CAB39L: variants seen among roughly 807,000 people sequenced by gnomAD.
CAB39L encodes the protein calcium-binding protein 39-like.
A neutral mutation model predicts 39.1 loss-of-function variants in CAB39L; 23 were observed. The ratio of observed to expected loss-of-function variants is 0.59; its 90% CI spans 0.42 to 0.83. CAB39L has a LOEUF of 0.83. CAB39L is among the 40% of genes least tolerant of loss of function. The pLI is 0.00. For missense variants in CAB39L, 366 were observed against 391.9 expected, an observed-to-expected ratio of 0.93 and a Z score of 0.56; for synonymous variants, 126 against 137.2, an observed-to-expected ratio of 0.92 and a Z score of 0.57.
intron 5 of CAB39L, among the ~76,000 whole-genome samples, chr13:49,361,928 C>T (rs1955649078): frequency 6.6e-6 from 1 of 152,090 alleles, no homozygotes; most frequent in Non-Finnish European, 1.5e-5. Context: ...TACTCTGTGC[C>T]AGGCACTTAT....
Position 49,433,382 on chromosome 13 carries a change from T to C in CAB39L, c.-96A>G. The C allele has an allele frequency of 2.2e-6, 1 of 455,072 alleles. No individual in the cohort carries two copies. The highest frequency in any genetic ancestry group is 4.4e-6 in the Non-Finnish European group (1 of 226,572). 28.2% of individuals were successfully genotyped at this position (455,072 alleles called of 1,614,324 possible). ...TCTTAGCTTTCACCAAAGTCACTGA[T>C]CACCACAGCTTCTGACAAAAAGAAA... On this transcript the variant is annotated 5_prime_UTR_variant, in exon 3 of 11. An upstream open reading frame in the 5' UTR loses its in-frame stop. Transcript: ENST00000409308.
chr13:49,373,370 CT>C (rs1280936029), intron 5 of CAB39L, among the ~76,000 whole-genome samples: 1 of 152,168 alleles, frequency 6.6e-6, no homozygotes, highest in East Asian at 1.9e-4. Flanking sequence ...CAAAAATTCA[CT>C]TTTTTTCTCT....
At chr13:49,360,244 G>A (rs1955597180) in intron 5 of CAB39L, among the ~76,000 whole-genome samples, 2 of 152,246 alleles carry the variant, frequency 1.3e-5, no homozygotes, top group South Asian at 4.1e-4. Context: ...TTAGTAAAAT[G>A]TAGGTTAGAA....
intron 7 of CAB39L, among the ~76,000 whole-genome samples, chr13:49,346,174 A>G (rs868217502): frequency 2.2e-5 from 3 of 137,260 alleles, no homozygotes; most frequent in African/African-American, 2.7e-5. Flanking sequence ...TCACGCCCAC[A>G]TTTCCACTCC....
chr13:49,442,818 A>C lies in CAB39L; in HGVS notation c.-246+1168T>G, dbSNP rs1009690056. On this transcript the variant is annotated intron_variant, in intron 1 of 10. Coordinates refer to ENST00000409308, the MANE Select transcript of CAB39L (RefSeq NM_001079670.3). Reference sequence around the variant, plus strand: ...AAAAAAAAAAAAAAAAAAAAAAAAAAACATCAATTATTTTGCTGTTTGTTT... The same window carrying C: ...AAAAAAAAAAAAAAAAAAAAAAAAACACATCAATTATTTTGCTGTTTGTTT... Among the ~76,000 whole-genome samples the C allele has an allele frequency of 3.3e-4, 46 of 139,520 alleles. 1 individual carries two copies. The highest frequency in any genetic ancestry group is 4.6e-4 in the African/African-American group (17 of 37,164). The allele number at this position is 139,520 out of a possible 152,430, so 91.5% of individuals were successfully genotyped here.
At chr13:49,439,283 A>G (rs73491219) in intron 1 of CAB39L, among the ~76,000 whole-genome samples, 1 of 151,966 alleles carries the variant, frequency 6.6e-6, no homozygotes, top group African/African-American at 2.4e-5. Flanking sequence ...GGTGAATTTT[A>G]TTTACTTTTT....
At position 49,309,175 on chromosome 13, in the gene CAB39L, A is replaced by AGTGC. The variant is rs1953918958; in HGVS notation, c.*1638_*1639insGCAC. On this transcript the variant is annotated 3_prime_UTR_variant, in exon 11 of 11. Transcript: ENST00000409308. ...AATAATCTGACGTCAGTGACTAAAGAGTACGGGTCATCAGGCTGCCGGCCG... is the reference window on the plus strand; with the variant it reads ...AATAATCTGACGTCAGTGACTAAAGAGTGCGTACGGGTCATCAGGCTGCCGGCCG... 6.6e-6 allele frequency: 1 copy of AGTGC among 152,238 alleles called. No individual in the cohort carries two copies. The allele number at this position is 152,238 out of a possible 1,614,324, so 9.4% of individuals were successfully genotyped here.
chr13:49,350,496 T>C (rs1471807579), intron 7 of CAB39L, among the ~76,000 whole-genome samples: 2 of 152,174 alleles, frequency 1.3e-5, no homozygotes, highest in African/African-American at 4.8e-5. Context: ...CTTTCCCACG[T>C]AACTGTATAT....
chr13:49,421,033 C>T (rs1175103308), intron 3 of CAB39L, among the ~76,000 whole-genome samples: 1 of 152,160 alleles, frequency 6.6e-6, no homozygotes, highest in African/African-American at 2.4e-5. Context: ...CAAAAGGATT[C>T]TGAAAGGTGG....
rs74072511 is a variant in CAB39L at position 49,351,961 on chromosome 13, G to T, written c.396-1049C>A. On this transcript the variant is annotated intron_variant, in intron 6 of 10. Transcript: ENST00000409308. Reference sequence around the variant, plus strand: ...GTAAAGAAATTAAGAGTTTGTGGTTGACCACATTAGTTTTGAGATGGCTGA... The same window carrying T: ...GTAAAGAAATTAAGAGTTTGTGGTTTACCACATTAGTTTTGAGATGGCTGA... Among the ~76,000 whole-genome samples the T allele has an allele frequency of 3.9e-3, 600 of 152,290 alleles. 5 individuals are homozygous for T. Among genetic ancestry groups the T allele is most frequent in the African/African-American group, 0.014 (565 of 41,564 alleles).
chr13:49,394,842 G>A (rs916949434), intron 3 of CAB39L, among the ~76,000 whole-genome samples: 4 of 151,664 alleles, frequency 2.6e-5, no homozygotes, highest in African/African-American at 4.8e-5. Context: ...TAAAACCAGC[G>A]ACTTATTAAA....
chr13:49,421,121 C>A (rs2138710249), intron 3 of CAB39L, among the ~76,000 whole-genome samples: 1 of 152,212 alleles, frequency 6.6e-6, no homozygotes, highest in African/African-American at 2.4e-5. Flanking sequence ...CTTATTTTTG[C>A]TTTCTATATC....
chr13:49,406,123 TTTG>T (rs1471426875), intron 3 of CAB39L, among the ~76,000 whole-genome samples: 1 of 151,928 alleles, frequency 6.6e-6, no homozygotes, highest in African/African-American at 2.4e-5. Flanking sequence ...TTAGCAATAA[TTTG>T]TTGTACATTT....
chr13:49,415,522 GAAA>G (rs59889553), intron 3 of CAB39L, among the ~76,000 whole-genome samples: 6 of 149,016 alleles, frequency 4.0e-5, no homozygotes, highest in African/African-American at 4.9e-5. Flanking sequence ...CTCTGTCTTG[GAAA>G]AAAAAAAAAT....
chr13:49,378,636 G>A (rs1956168266), intron 4 of CAB39L, among the ~76,000 whole-genome samples: 1 of 67,880 alleles, frequency 1.5e-5, no homozygotes, highest in Non-Finnish European at 3.0e-5. Context: ...GGAGGTGAGG[G>A]GCGCCTCTGC....
intron 5 of CAB39L, among the ~76,000 whole-genome samples, chr13:49,373,779 A>G (rs900272055): frequency 1.3e-5 from 2 of 148,228 alleles, no homozygotes; most frequent in South Asian, 4.3e-4. Context: ...TGGCTGTCCC[A>G]GTGCAAGCCA....
rs548947401 is a variant in CAB39L, at chr13:49,405,719, G to GAGGAAGGAAGGAAGGAAGGAAGGA, written c.-31-22802_-31-22779dup. ...AAAGAAAGAAAGAAAGAAAGAGAGA[G>GAGGAAGGAAGGAAGGAAGGAAGGA]AGGAAGGAAGGAAGGAAGGAAGGAA... is the stretch of plus-strand genomic sequence containing the variant. On this transcript the variant is annotated intron_variant, in intron 3 of 10. Transcript: ENST00000409308. Among the ~76,000 whole-genome samples, 789 of 95,064 alleles carry GAGGAAGGAAGGAAGGAAGGAAGGA rather than the reference G, an allele frequency of 8.3e-3. 39 individuals are homozygous for GAGGAAGGAAGGAAGGAAGGAAGGA. Among genetic ancestry groups the GAGGAAGGAAGGAAGGAAGGAAGGA allele is most frequent in the African/African-American group, 0.019 (491 of 26,338 alleles). 62.4% of individuals were successfully genotyped at this position (95,064 alleles called of 152,430 possible).
chr13:49,328,895 C>A (rs577636248), intron 10 of CAB39L, among the ~76,000 whole-genome samples: 16 of 152,150 alleles, frequency 1.1e-4, no homozygotes, highest in Non-Finnish European at 1.5e-5. Context: ...TTCTTCCTAC[C>A]CCAATATTAT....
At chr13:49,424,541 C>T (rs8002489) in intron 3 of CAB39L, among the ~76,000 whole-genome samples, 97,265 of 152,032 alleles carry the variant, frequency 0.64, 31,932 homozygotes, top group African/African-American at 0.79. Context: ...ACAATTTGAA[C>T]AAAGTATGGA....
Sources: gnomAD v4.1 joint callset for allele counts (sites outside exome capture counted in the v4.1 genomes callset) on GRCh38, gnomAD v4.1.1 for gene constraint, MANE v1.5 for transcripts, NCBI Gene and HGNC (gene_info 2026-07-23, HGNC 2026-07-21) for gene names.